Variants in DNHD1 observed in about 807,000 individuals in gnomAD.
DNHD1 encodes dynein heavy chain domain 1.
Under a neutral mutation model 458.1 loss-of-function variants are expected in DNHD1, and 383 were observed. The ratio of observed to expected loss-of-function variants is 0.84; its 90% CI spans 0.77 to 0.91. The LOEUF is 0.91. Ranked by LOEUF, DNHD1 falls within the 40% of genes least tolerant of loss-of-function variation. The pLI is 0.00. For synonymous variants in DNHD1, 2,203 were observed against 2,376.9 expected, an observed-to-expected ratio of 0.93 and a Z score of 2.13; for missense variants, 5,336 against 5,866.1, an observed-to-expected ratio of 0.91 and a Z score of 2.95.
In DNHD1 at chr11:6,505,642, C is replaced by G. The variant is rs1270966700; in HGVS notation, c.920+2716C>G. On this transcript the variant is annotated intron_variant, in intron 4 of 42. Transcript: ENST00000254579. The surrounding 1 kb of genome is among the most constrained non-coding windows in gnomAD (Gnocchi z 4.4). ...TTCTGTTTTACTGACTGGACCCTGA[C>G]TAACACGGTACTTGGTATTATGAGT... Among the ~76,000 whole-genome samples, 1 of 152,202 alleles carries G rather than the reference C, an allele frequency of 6.6e-6. No homozygotes were observed. Among genetic ancestry groups the G allele is most frequent in the Non-Finnish European group, 1.5e-5 (1 of 68,042 alleles).
chr11:6,569,445 T>G (rs1488812374), intron 39 of DNHD1, among the ~76,000 whole-genome samples: 2 of 151,420 alleles, frequency 1.3e-5, no homozygotes, highest in African/African-American at 4.9e-5. Flanking sequence ...ATTGCACCAC[T>G]GCACTCCAGC....
intron 12 of DNHD1, among the ~76,000 whole-genome samples, chr11:6,531,560 C>T (rs1218616191): frequency 1.3e-5 from 2 of 152,208 alleles, no homozygotes; most frequent in East Asian, 3.9e-4. Flanking sequence ...ACAAATGTGG[C>T]AGCATTGCAA....
Position 6,558,292 on chromosome 11 carries a change from G to A in DNHD1, c.8997G>A (p.Leu2999=). The change falls in exon 25 of 43, where the codon TTG becomes TTA. Residue 2999 remains leucine (L), a synonymous_variant. Coordinates refer to ENST00000254579, the MANE Select transcript of DNHD1 (RefSeq NM_144666.3). ...VKQNIKKEMV[L]QRFHQQVCSH... is the part of the protein sequence containing the mutation. ...AGAACATCAAGAAGGAAATGGTGTT[G>A]CAGAGGTGAGGCCAAGAACCCCATA... 1 of 1,550,744 alleles carries A rather than the reference G, an allele frequency of 6.4e-7. No homozygotes were observed. Among genetic ancestry groups the A allele is most frequent in the Non-Finnish European group, 8.7e-7 (1 of 1,146,628 alleles).
intron 17 of DNHD1, among the ~76,000 whole-genome samples, chr11:6,539,575 G>C (rs369408719): frequency 3.9e-5 from 6 of 152,310 alleles, no homozygotes; most frequent in African/African-American, 1.4e-4. Context: ...AGAATGGCAG[G>C]TGCCCCCCAA....
chr11:6,548,526 A>G lies in DNHD1; in HGVS notation c.7099-119A>G. ...TCTTTGATATATTTTCACAATCACA[A>G]GAATACATGAAATATTTTCCAAGTA... On this transcript the variant is annotated intron_variant, in intron 23 of 42. Coordinates refer to ENST00000254579, the MANE Select transcript of DNHD1 (RefSeq NM_144666.3). The surrounding 1 kb of genome is among the most constrained non-coding windows in gnomAD (Gnocchi z 4.4). 1 of 1,456,448 alleles carries G rather than the reference A, an allele frequency of 6.9e-7. No individual in the cohort carries two copies. The highest frequency in any genetic ancestry group is 1.3e-5 in the South Asian group (1 of 77,928). 90.2% of individuals were successfully genotyped at this position (1,456,448 alleles called of 1,614,324 possible).
intron 18 of DNHD1, among the ~76,000 whole-genome samples, chr11:6,543,101 G>A (rs1314236602): frequency 6.6e-6 from 1 of 152,206 alleles, no homozygotes; most frequent in Non-Finnish European, 1.5e-5. Flanking sequence ...ATAGACAGAG[G>A]GGCTGAAAGC....
In DNHD1 at chr11:6,558,085, C is replaced by T; in HGVS notation, c.8790C>T (p.Ala2930=). The change falls in exon 25 of 43, where the codon GCC becomes GCT. Residue 2930 remains alanine, a synonymous_variant. Transcript: ENST00000254579. ...CCATTCTCCAATGTCTACGAGATGCCAGCTGGCATGCTGGCATGTTAAGCC... is the reference window on the plus strand; with the variant it reads ...CCATTCTCCAATGTCTACGAGATGCTAGCTGGCATGCTGGCATGTTAAGCC... ...EEAILQCLRD[A]SWHAGMLSQP... 1 of 1,551,726 alleles carries T rather than the reference C, an allele frequency of 6.4e-7. No homozygotes were observed.
chr11:6,546,731 T>C lies in DNHD1; in HGVS notation c.5792T>C (p.Leu1931Pro), dbSNP rs1853227974. 4 of 1,551,752 alleles carry C rather than the reference T, an allele frequency of 2.6e-6. No individual in the cohort carries two copies. Among genetic ancestry groups the C allele is most frequent in the Non-Finnish European group, 3.5e-6 (4 of 1,147,000 alleles). Reference sequence around the variant, plus strand: ...CTCCACCTGCACAACCTCCGAGGGCTGTTGTGTGCGCTTTTCCCTAGCGCC... The same window carrying C: ...CTCCACCTGCACAACCTCCGAGGGCCGTTGTGTGCGCTTTTCCCTAGCGCC... ...NGLHLHNLRG[L>P]LCALFPSASQ... The change falls in exon 21 of 43, where the codon CTG becomes CCG. Residue 1931 changes from leucine to proline, a missense_variant. By Grantham distance (98) the Leu-to-Pro change is moderately conservative. Coordinates refer to ENST00000254579, the MANE Select transcript of DNHD1 (RefSeq NM_144666.3).
Position 6,563,482 on chromosome 11 carries a change from C to T in DNHD1, c.9770C>T (p.Thr3257Ile). The T allele has an allele frequency of 6.4e-7, 1 of 1,551,688 alleles. No homozygotes were observed. The highest frequency in any genetic ancestry group is 8.7e-7 in the Non-Finnish European group (1 of 1,146,992). Residue 3257 changes from threonine (T) to isoleucine (I), a missense_variant, in exon 30 of 43, where the codon ACT becomes ATT. Physicochemically the swap from Thr to Ile is moderately conservative, Grantham distance 89. Transcript: ENST00000254579. ...CCACCAGAATCTGTGGTCCGGGTAA[C>T]TGATGCAATGTGTGACTTGTTCCAC... ...RAPPESVVRV[T>I]DAMCDLFHHE...
At chr11:6,559,491 A>C (rs899168008) in intron 28 of DNHD1, among the ~76,000 whole-genome samples, 1 of 152,216 alleles carries the variant, frequency 6.6e-6, no homozygotes, top group African/African-American at 2.4e-5. Context: ...TTGATTCTTC[A>C]TAACAGGTGA....
chr11:6,556,121 C>T (rs967845069), intron 24 of DNHD1, among the ~76,000 whole-genome samples: 1 of 152,140 alleles, frequency 6.6e-6, no homozygotes, highest in Non-Finnish European at 1.5e-5. Flanking sequence ...CTACAGCACA[C>T]ATCACCAGGC....
At chr11:6,504,069 C>T (rs1057496929) in intron 4 of DNHD1, 3 of 152,210 alleles carry the variant, frequency 2.0e-5, no homozygotes, top group Admixed American at 6.5e-5. Flanking sequence ...TGCTCTTAAG[C>T]AGTATCTAAT....
rs1338325462 is a variant in DNHD1 at position 6,539,866 on chromosome 11, G to A, written c.3421-10G>A. On this transcript the variant is annotated splice_polypyrimidine_tract_variant and intron_variant, in intron 17 of 42. Coordinates refer to ENST00000254579, the MANE Select transcript of DNHD1 (RefSeq NM_144666.3). ...ACCCAGTCCTGGTTCCTGAGACCCA[G>A]CTGTTCCAGGTCTGGCAGAATGAAA... 7.7e-6 allele frequency: 12 copies of A among 1,551,668 alleles called. No homozygotes were observed. The East Asian group carries it at 2.9e-4, about 38-fold the overall frequency.
rs1161201888 is a variant in DNHD1 at position 6,512,203 on chromosome 11, T to TTTTC, written c.1392+782_1392+785dup. ...CTCAACTGCAAGGAATTTCTTTTCT[T>TTTTC]TTTCTTTCTTTTTTTTTTTTTTTTT... is the stretch of plus-strand genomic sequence containing the variant. On this transcript the variant is annotated intron_variant, in intron 7 of 42. Coordinates refer to ENST00000254579, the MANE Select transcript of DNHD1 (RefSeq NM_144666.3). Among the ~76,000 whole-genome samples the TTTTC allele has an allele frequency of 2.7e-3, 372 of 139,944 alleles. 4 individuals are homozygous for TTTTC. The highest frequency in any genetic ancestry group is 9.5e-3 in the African/African-American group (341 of 35,716). 91.8% of individuals were successfully genotyped at this position (139,944 alleles called of 152,430 possible). A position where few individuals can be genotyped will look rare whatever the true frequency, so the allele number is the denominator to read the frequency against.
chr11:6,498,211 T>C lies in DNHD1; in HGVS notation c.-5T>C. On this transcript the variant is annotated 5_prime_UTR_variant, in exon 3 of 43. Transcript: ENST00000254579. ...CTTCGACAGCAGTTGAATGCCCAGC[T>C]CCTCATGGTCCCGGAGGAGAGGAGG... The C allele has an allele frequency of 6.2e-7, 1 of 1,605,724 alleles. No individual in the cohort carries two copies. The highest frequency in any genetic ancestry group is 8.5e-7 in the Non-Finnish European group (1 of 1,174,162).
rs775211717 is a variant in DNHD1, at chr11:6,570,958, G to C, written c.13446G>C (p.Glu4482Asp). ...GGCCAAATGCACGGCGGCCTCTGGAGGGCGTCTTAGAGACCGAGGCTCTAG... is the reference window on the plus strand; with the variant it reads ...GGCCAAATGCACGGCGGCCTCTGGACGGCGTCTTAGAGACCGAGGCTCTAG... Reference protein sequence around the residue: ...VLGPNARRPLEGVLETEALEL... With the variant: ...VLGPNARRPLDGVLETEALEL... Residue 4482 changes from glutamate (E) to aspartate (D), a missense_variant, in exon 42 of 43, where the codon GAG (glutamate) becomes GAC (aspartate). This residue lies in a region of DNHD1 where 698 missense variants were observed against 664.9 expected (regional missense o/e 1.05). Transcript: ENST00000254579. 6.2e-7 allele frequency: 1 copy of C among 1,607,412 alleles called. No homozygotes were observed. Among genetic ancestry groups the C allele is most frequent in the African/African-American group, 1.3e-5 (1 of 74,796 alleles).
intron 32 of DNHD1, 129 bp from the exon 33 acceptor site, chr11:6,565,566 C>A: frequency 9.8e-7 from 1 of 1,016,428 alleles, no homozygotes; most frequent in Non-Finnish European, 1.4e-6. Context: ...TCATAGAGAG[C>A]TTAAGCAACT....
At chr11:6,565,036 C>T (rs1019810601) in intron 32 of DNHD1, among the ~76,000 whole-genome samples, 1 of 152,200 alleles carries the variant, frequency 6.6e-6, no homozygotes, top group Non-Finnish European at 1.5e-5. Context: ...CTTCCCTGGT[C>T]TACTCAGCAC....
At chr11:6,499,116 C>G (rs10769693) in intron 3 of DNHD1, among the ~76,000 whole-genome samples, 155 bp downstream of exon 3, 78,136 of 152,032 alleles carry the variant, frequency 0.51, 20,554 homozygotes, top group African/African-American at 0.54. Flanking sequence ...CTACTTTCCT[C>G]TTCCTTTTTC....
Sources: gnomAD v4.1 joint callset for allele counts (sites outside exome capture counted in the v4.1 genomes callset) on GRCh38, gnomAD v4.1.1 for gene constraint, gnomAD v4.1.1 regional missense constraint, Gnocchi (gnomAD v3.1) non-coding constraint, MANE v1.5 for transcripts, NCBI Gene and HGNC (gene_info 2026-07-23, HGNC 2026-07-21) for gene names.